POM121C: variants seen among roughly 807,000 people sequenced by gnomAD.
POM121C encodes POM121 transmembrane nucleoporin C, also known as nuclear envelope pore membrane protein POM 121C.
A neutral mutation model predicts 66.4 loss-of-function variants in POM121C; 20 were observed. That is an observed-to-expected ratio of 0.30 (90% confidence interval 0.21 to 0.44). The LOEUF is 0.44. POM121C is among the 20% of genes least tolerant of loss of function. The pLI, the probability that POM121C is intolerant of heterozygous loss-of-function variation, is 1.00. For missense variants in POM121C, 580 were observed against 1,225.7 expected (o/e 0.47, Z 7.87); for synonymous variants, 286 against 528.0 (o/e 0.54, Z 6.28).
At chr7:75,474,277 C>G (rs1424519500) in intron 3 of POM121C, among the ~76,000 whole-genome samples, 2 of 151,998 alleles carry the variant, frequency 1.3e-5, no homozygotes, top group Non-Finnish European at 2.9e-5. Flanking sequence ...GCCTGAAATC[C>G]CAGCTACTCA....
chr7:75,469,526 C>A (rs1329192623), intron 3 of POM121C, among the ~76,000 whole-genome samples: 1 of 152,172 alleles, frequency 6.6e-6, no homozygotes, highest in Non-Finnish European at 1.5e-5. Context: ...GACCAGAGTT[C>A]TCCTATGAAC....
chr7:75,441,238 A>G, intron 4 of POM121C, 123 bp from the exon 5 acceptor site: 1 of 1,459,304 alleles, frequency 6.9e-7, no homozygotes. Context: ...AGTTCCCCTT[A>G]GCAAGTAAAG....
At chr7:75,462,173 T>C (rs781932332) in intron 3 of POM121C, among the ~76,000 whole-genome samples, 134,329 of 146,454 alleles carry the variant, frequency 0.92, 61,274 homozygotes, top group East Asian at 0.97. Flanking sequence ...GGGCGCGGTT[T>C]GCCCTATGCT....
chr7:75,427,715 T>C (rs1790012460), intron 7 of POM121C, among the ~76,000 whole-genome samples: 1 of 152,142 alleles, frequency 6.6e-6, no homozygotes, highest in Non-Finnish European at 1.5e-5. Context: ...CTTTCCTACT[T>C]GAAAAGCTGC....
In POM121C at chr7:75,437,703, C is replaced by G. The variant is rs376058880; in HGVS notation, c.309-17G>C. On this transcript the variant is annotated splice_polypyrimidine_tract_variant and intron_variant, in intron 6 of 14. Coordinates refer to ENST00000615331, the MANE Select transcript of POM121C (RefSeq NM_001099415.3). ...GACCCAGGCCTAATAAAAGAGAAGACAGTTAGATGCTTTATTGAAGGCAAC... is the reference window on the plus strand; with the variant it reads ...GACCCAGGCCTAATAAAAGAGAAGAGAGTTAGATGCTTTATTGAAGGCAAC... 20 of 1,568,010 alleles carry G rather than the reference C, an allele frequency of 1.3e-5. No homozygotes were observed. The highest frequency in any genetic ancestry group is 1.6e-5 in the Non-Finnish European group (19 of 1,152,900).
chr7:75,485,794 C>A, intron 1 of POM121C, 70 bp downstream of exon 1: 1 of 460,328 alleles, frequency 2.2e-6, no homozygotes, highest in Non-Finnish European at 4.3e-6. Context: ...GCCCCACACT[C>A]AAAGGTCCCC....
Position 75,461,191 on chromosome 7 carries a change from C to T in POM121C, c.-152+13513G>A, listed in dbSNP as rs587623130. 2.6e-5 allele frequency among the ~76,000 whole-genome samples: 4 copies of T among 152,116 alleles called. No individual in the cohort carries two copies. The South Asian group carries it at 8.3e-4, about 32-fold the overall frequency. On this transcript the variant is annotated intron_variant, in intron 3 of 14. Transcript: ENST00000615331. ...TTACATTGTAACACTTAAAATGCAA[C>T]GTTCTCAACAAAAAACCACAAAATA...
intron 7 of POM121C, among the ~76,000 whole-genome samples, chr7:75,427,288 A>T (rs1324798103): frequency 4.9e-5 from 7 of 143,154 alleles, no homozygotes; most frequent in Admixed American, 7.1e-5. Context: ...ACAAAAAATT[A>T]GCTGGGCGTG....
chr7:75,419,422 C>T lies in POM121C; in HGVS notation c.2764G>A (p.Gly922Ser). 1.2e-6 allele frequency: 2 copies of T among 1,613,648 alleles called. No homozygotes were observed. The highest frequency in any genetic ancestry group is 1.7e-6 in the Non-Finnish European group (2 of 1,179,738). Residue 922 changes from glycine to serine, a missense_variant, in exon 14 of 15, where the codon GGT becomes AGT. Coordinates refer to ENST00000615331, the MANE Select transcript of POM121C (RefSeq NM_001099415.3). ...VFGGTATPTF[G>S]QNTPAPGVGT... ...ACTCCAGGCGCAGGGGTGTTCTGAC[C>T]AAAGGTGGGGGTGGCGGTGCCTGGA...
At chr7:75,461,453 T>G (rs1434871571) in intron 3 of POM121C, among the ~76,000 whole-genome samples, 4 of 152,158 alleles carry the variant, frequency 2.6e-5, no homozygotes, top group Non-Finnish European at 5.9e-5. Flanking sequence ...AGTCTCTTTC[T>G]GTCGCCCAGG....
chr7:75,466,618 TAA>T (rs1173506428), intron 3 of POM121C, among the ~76,000 whole-genome samples: 7 of 131,982 alleles, frequency 5.3e-5, no homozygotes, highest in African/African-American at 1.9e-4. Context: ...AAATAAAAAT[TAA>T]AAAAAAAAAA....
intron 3 of POM121C, among the ~76,000 whole-genome samples, chr7:75,457,859 T>C (rs587762015): frequency 6.6e-6 from 1 of 152,352 alleles, no homozygotes; most frequent in Non-Finnish European, 1.5e-5. Flanking sequence ...TGTTTAATAA[T>C]AACTCCAAGA....
At chr7:75,461,702 T>G (rs1372761182) in intron 3 of POM121C, among the ~76,000 whole-genome samples, 4 of 151,994 alleles carry the variant, frequency 2.6e-5, no homozygotes, top group Non-Finnish European at 5.9e-5. Flanking sequence ...TGAGCCACCA[T>G]GCCCGGCCAA....
chr7:75,418,386 C>T lies in POM121C; in HGVS notation c.*410G>A, dbSNP rs2116310956. On this transcript the variant is annotated 3_prime_UTR_variant, in exon 15 of 15. Transcript: ENST00000615331. ...AAAGCTTTAGGGATAACCCATTTCC[C>T]AAATCCCATCAGGTGCACACCACCG... is the stretch of plus-strand genomic sequence containing the variant. 3 of 1,001,128 alleles carry T rather than the reference C, an allele frequency of 3.0e-6. No homozygotes were observed. The highest frequency in any genetic ancestry group is 5.9e-5 in the Admixed American group (1 of 16,958). 62.0% of individuals were successfully genotyped at this position (1,001,128 alleles called of 1,614,324 possible).
chr7:75,473,948 A>G (rs1382619923), intron 3 of POM121C, among the ~76,000 whole-genome samples: 3 of 152,060 alleles, frequency 2.0e-5, no homozygotes, highest in African/African-American at 7.2e-5. Flanking sequence ...TCGGCCTCCT[A>G]AAGTGCTGGG....
rs1224544333 is a variant in POM121C at position 75,437,372 on chromosome 7, T to C, written c.480+143A>G. On this transcript the variant is annotated intron_variant, in intron 7 of 14. Transcript: ENST00000615331. ...TCTCACTATATTGCCCAGGCTGGTT[T>C]TGAACTCCTGGGCTCAAGCAATCCT... The C allele has an allele frequency of 1.3e-5, 16 of 1,221,994 alleles. No individual in the cohort carries two copies. In the African/African-American group the frequency reaches 2.3e-4, roughly 17 times the overall value. 75.7% of individuals were successfully genotyped at this position (1,221,994 alleles called of 1,614,324 possible). A position where few individuals can be genotyped will look rare whatever the true frequency, so the allele number is the denominator to read the frequency against.
chr7:75,418,730 T>G lies in POM121C; in HGVS notation c.*66A>C. 6.5e-7 allele frequency: 1 copy of G among 1,527,168 alleles called. No individual in the cohort carries two copies. The highest frequency in any genetic ancestry group is 2.2e-5 in the Admixed American group (1 of 44,798). 94.6% of individuals were successfully genotyped at this position (1,527,168 alleles called of 1,614,324 possible). ...ACGCAGCTGGAAGGGTCCAAGGCTC[T>G]TTCTAGCACGTGCCAAGGTCCAGAT... On this transcript the variant is annotated 3_prime_UTR_variant, in exon 15 of 15. Transcript: ENST00000615331.
rs760507316 is a variant in POM121C at position 75,467,031 on chromosome 7, T to TA, written c.-152+7672dup. ...AAATCAGAAGCACCTAGTGAGCTTTTAAAAAATAATTCTCCAGGGCACAAC... is the reference window on the plus strand; with the variant it reads ...AAATCAGAAGCACCTAGTGAGCTTTTAAAAAAATAATTCTCCAGGGCACAAC... On this transcript the variant is annotated intron_variant, in intron 3 of 14. Transcript: ENST00000615331. Among the ~76,000 whole-genome samples the TA allele has an allele frequency of 1.1e-3, 162 of 152,314 alleles. 1 individual carries two copies. Among genetic ancestry groups the TA allele is most frequent in the Middle Eastern group, 6.8e-3 (2 of 294 alleles).
Position 75,421,512 on chromosome 7 carries a change from C to T in POM121C, c.2740G>A (p.Gly914Arg), listed in dbSNP as rs1789705548. ...GSTTESKPVF[G>R]GTATPTFGQN... ...CCAAGTCCACGCCCCTCCTTACCTC[C>T]AAACACAGGTTTGCTCTCAGTTGTG... Residue 914 changes from glycine (G) to arginine (R), a missense_variant, in exon 13 of 15, where the codon GGA becomes AGA. Gly to Arg is a moderately radical substitution (Grantham distance 125, BLOSUM62 -2). Coordinates refer to ENST00000615331, the MANE Select transcript of POM121C (RefSeq NM_001099415.3). The T allele has an allele frequency of 6.2e-7, 1 of 1,611,156 alleles. No individual in the cohort carries two copies. The highest frequency in any genetic ancestry group is 8.5e-7 in the Non-Finnish European group (1 of 1,179,652).
Sources: gnomAD v4.1 joint callset for allele counts (sites outside exome capture counted in the v4.1 genomes callset) on GRCh38, gnomAD v4.1.1 for gene constraint, MANE v1.5 for transcripts, NCBI Gene and HGNC (gene_info 2026-07-23, HGNC 2026-07-21) for gene names.